MAFG: variants seen among roughly 807,000 people sequenced by gnomAD.
MAFG encodes the protein transcription factor MafG.
In MAFG, 3 loss-of-function variants were observed where a neutral mutation model predicts 12.2. The observed-to-expected ratio is 0.25, with a 90% CI of 0.11 to 0.64. MAFG has a LOEUF of 0.64. Among genes scored for constraint, MAFG ranks in the 30% least tolerant of loss-of-function variants. The pLI is 0.85. For synonymous variants in MAFG, 126 were observed against 109.1 expected (o/e 1.15, Z -0.96); for missense variants, 153 against 235.5 (o/e 0.65, Z 2.29).
rs1196873459 is a variant in MAFG at position 81,921,092 on chromosome 17, G to C, written c.*1513C>G. On this transcript the variant is annotated 3_prime_UTR_variant, in exon 3 of 3. Coordinates refer to ENST00000357736, the MANE Select transcript of MAFG (RefSeq NM_002359.4). ...ACCCAAGGCCAGAGGTGGTGGGTGT[G>C]GAAGCAGCGTGGGGCGCCCCAAGGG... The C allele has an allele frequency of 6.6e-6, 1 of 152,316 alleles. No homozygotes were observed. Among genetic ancestry groups the C allele is most frequent in the Non-Finnish European group, 1.5e-5 (1 of 68,152 alleles). The allele number at this position is 152,316 out of a possible 1,614,324, so 9.4% of individuals were successfully genotyped here.
chr17:81,922,722 G>A lies in MAFG; in HGVS notation c.372C>T (p.Ser124=), dbSNP rs755000376. ...LQTFARTVAR[S]PVAPARGPLA... ...GGGGGCCCCGGGCTGGCGCCACGGG[G>A]CTGCGGGCCACCGTCCGGGCGAAGG... Residue 124 remains serine (S), a synonymous_variant, in exon 3 of 3, where the codon AGC becomes AGT. Transcript: ENST00000357736. 3.2e-6 allele frequency: 5 copies of A among 1,562,186 alleles called. No individual in the cohort carries two copies. In the Admixed American group the frequency reaches 7.7e-5, roughly 24 times the overall value.
chr17:81,923,634 T>A, intron 1 of MAFG: 1 of 154,690 alleles, frequency 6.5e-6, no homozygotes, highest in Non-Finnish European at 1.4e-5. Context: ...GCACATTGCC[T>A]CTGCCTCCCC....
At position 81,924,666 on chromosome 17, in the gene MAFG, G is replaced by A. The variant is rs1018289529; in HGVS notation, c.-29-1452C>T. Among the ~76,000 whole-genome samples, 3 of 152,178 alleles carry A rather than the reference G, an allele frequency of 2.0e-5. No individual in the cohort carries two copies. The highest frequency in any genetic ancestry group is 4.4e-5 in the Non-Finnish European group (3 of 68,026). ...CAAGCCAGCTCAGAGGCAAGGTCCC[G>A]AGGCTCCAGCCACTGGATTCTTCCA... On this transcript the variant is annotated intron_variant, in intron 1 of 2. Transcript: ENST00000357736. This position sits in a 1 kb window ranked among gnomAD's most constrained non-coding sequence, Gnocchi z 4.7.
At position 81,921,669 on chromosome 17, in the gene MAFG, CAAGA is replaced by C. The variant is rs1224534268; in HGVS notation, c.*932_*935del. The C allele has an allele frequency of 6.6e-6, 1 of 150,638 alleles. No homozygotes were observed. The highest frequency in any genetic ancestry group is 1.5e-5 in the Non-Finnish European group (1 of 67,796). The allele number at this position is 150,638 out of a possible 1,614,324, so 9.3% of individuals were successfully genotyped here. On this transcript the variant is annotated 3_prime_UTR_variant, in exon 3 of 3. Coordinates refer to ENST00000357736, the MANE Select transcript of MAFG (RefSeq NM_002359.4). ...CCACAAAGAGGTGTCCGTAAGTTTACAAGAAAGGGATTTTTTTTCTTTTTTTTTC... is the reference window on the plus strand; with the variant it reads ...CCACAAAGAGGTGTCCGTAAGTTTACAAGGGATTTTTTTTCTTTTTTTTTC...
At chr17:81,923,271 C>T (rs953946276) in intron 1 of MAFG, 57 bp from the exon 2 acceptor site, 36 of 962,806 alleles carry the variant, frequency 3.7e-5, no homozygotes, top group Non-Finnish European at 4.5e-5. Flanking sequence ...CACCCCCCCC[C>T]CCCCGCCCCC....
chr17:81,930,962 C>T (rs1396941468), upstream of MAFG, among the ~76,000 whole-genome samples: 1 of 152,336 alleles, frequency 6.6e-6, no homozygotes, highest in East Asian at 1.9e-4. The surrounding 1 kb of genome is among the most constrained non-coding windows in gnomAD (Gnocchi z 4.1). Context: ...CCTGCTGAGG[C>T]CCACATAAAA....
chr17:81,925,252 C>T (rs933493147), intron 1 of MAFG, among the ~76,000 whole-genome samples: 2 of 152,236 alleles, frequency 1.3e-5, no homozygotes, highest in Non-Finnish European at 2.9e-5. Context: ...CAGATGGTCA[C>T]GGCTCCGCAA....
At chr17:81,923,470 G>T in intron 1 of MAFG, 1 of 397,980 alleles carries the variant, frequency 2.5e-6, no homozygotes, top group Non-Finnish European at 4.5e-6. Flanking sequence ...GGGAACTGAA[G>T]GCTGTTAGGA....
Position 81,926,831 on chromosome 17 carries a change from C to T in MAFG, c.-30+697G>A, listed in dbSNP as rs539552075. 6.6e-6 allele frequency among the ~76,000 whole-genome samples: 1 copy of T among 152,322 alleles called. No individual in the cohort carries two copies. Among genetic ancestry groups the T allele is most frequent in the South Asian group, 2.1e-4 (1 of 4,824 alleles). Reference sequence around the variant, plus strand: ...CTCGGCGCTCACTTAAACAGGCACCCCAAGGCGCCGGGCCTGGCCCCCTCC... The same window carrying T: ...CTCGGCGCTCACTTAAACAGGCACCTCAAGGCGCCGGGCCTGGCCCCCTCC... On this transcript the variant is annotated intron_variant, in intron 1 of 2. Coordinates refer to ENST00000357736, the MANE Select transcript of MAFG (RefSeq NM_002359.4). The surrounding 1 kb of genome is among the most constrained non-coding windows in gnomAD (Gnocchi z 4.6).
At chr17:81,923,247 G>GC in intron 1 of MAFG, 33 bp from the exon 2 acceptor site, 1 of 778,090 alleles carries the variant, frequency 1.3e-6, no homozygotes, top group Non-Finnish European at 1.8e-6. Context: ...GTACCCTGGA[G>GC]ACCACCCTCG....
chr17:81,923,062 G>C lies in MAFG; in HGVS notation c.37-5C>G, dbSNP rs368661265. 4 of 1,605,820 alleles carry C rather than the reference G, an allele frequency of 2.5e-6. No homozygotes were observed. The highest frequency in any genetic ancestry group is 2.7e-5 in the African/African-American group (2 of 74,756). On this transcript the variant is annotated splice_polypyrimidine_tract_variant and splice_region_variant and intron_variant, in intron 2 of 2. Coordinates refer to ENST00000357736, the MANE Select transcript of MAFG (RefSeq NM_002359.4). ...CTCACCCGGCTCCCGCTTCACCTGG[G>C]GCACAGTGCAGGTGGTCACAGGCCA...
intron 1 of MAFG, among the ~76,000 whole-genome samples, chr17:81,925,230 A>G (rs2040929766): frequency 6.6e-6 from 1 of 152,226 alleles, no homozygotes; most frequent in Non-Finnish European, 1.5e-5. Flanking sequence ...AGCCCACCTC[A>G]CGCAGGAGGC....
At chr17:81,925,243 A>C (rs1322612647) in intron 1 of MAFG, among the ~76,000 whole-genome samples, 1 of 152,238 alleles carries the variant, frequency 6.6e-6, no homozygotes, top group Non-Finnish European at 1.5e-5. Flanking sequence ...CAGGAGGCAC[A>C]GATGGTCACG....
chr17:81,928,911 G>T (rs1319143322), upstream of MAFG, among the ~76,000 whole-genome samples: 1 of 152,210 alleles, frequency 6.6e-6, no homozygotes, highest in African/African-American at 2.4e-5. This position sits in a 1 kb window ranked among gnomAD's most constrained non-coding sequence, Gnocchi z 8.1. Flanking sequence ...CTCCGCGGGA[G>T]GGTGAAGTCG....
rs1221311925 is a variant in MAFG, at chr17:81,924,386, C to T, written c.-29-1172G>A. The T allele has an allele frequency of 6.6e-6, 1 of 152,638 alleles. No individual in the cohort carries two copies. The allele number at this position is 152,638 out of a possible 1,614,324, so 9.5% of individuals were successfully genotyped here. ...CTCCCACCAGACCCTTGGGCATGGA[C>T]CCCCGCCTCATGCTCCATCCCCCAC... On this transcript the variant is annotated intron_variant, in intron 1 of 2. Coordinates refer to ENST00000357736, the MANE Select transcript of MAFG (RefSeq NM_002359.4). This position sits in a 1 kb window ranked among gnomAD's most constrained non-coding sequence, Gnocchi z 4.7.
chr17:81,927,167 C>T (rs2040948242), intron 1 of MAFG, among the ~76,000 whole-genome samples: 1 of 150,624 alleles, frequency 6.6e-6, no homozygotes. Context: ...TGGCGCGGAC[C>T]CCCGGGCGCC....
At position 81,921,527 on chromosome 17, in the gene MAFG, G is replaced by C. The variant is rs974718630; in HGVS notation, c.*1078C>G. On this transcript the variant is annotated 3_prime_UTR_variant, in exon 3 of 3. Coordinates refer to ENST00000357736, the MANE Select transcript of MAFG (RefSeq NM_002359.4). Reference sequence around the variant, plus strand: ...CGGTACAATTGCAAAAGATATCAAAGAGGACGGCCTTCTGGTCGGCTCACG... The same window carrying C: ...CGGTACAATTGCAAAAGATATCAAACAGGACGGCCTTCTGGTCGGCTCACG... 6.6e-6 allele frequency: 1 copy of C among 151,770 alleles called. No homozygotes were observed. The highest frequency in any genetic ancestry group is 2.4e-5 in the African/African-American group (1 of 41,318). 9.4% of individuals were successfully genotyped at this position (151,770 alleles called of 1,614,324 possible).
intron 1 of MAFG, among the ~76,000 whole-genome samples, chr17:81,925,069 C>T (rs780522289): frequency 5.3e-5 from 8 of 152,232 alleles, no homozygotes; most frequent in Non-Finnish European, 8.8e-5. Flanking sequence ...GCGTTCCAGG[C>T]TCCTGGCCTG....
intron 1 of MAFG, among the ~76,000 whole-genome samples, chr17:81,927,327 G>A (rs1287816863): frequency 6.6e-6 from 1 of 151,394 alleles, no homozygotes; most frequent in Non-Finnish European, 1.5e-5. Context: ...GGCAGGAGGA[G>A]CTGGCTCCTG....
Sources: allele counts gnomAD v4.1 joint callset (sites outside exome capture counted in the v4.1 genomes callset), GRCh38; gene constraint gnomAD v4.1.1; non-coding constraint Gnocchi (gnomAD v3.1); transcripts MANE v1.5; gene names NCBI Gene and HGNC (gene_info 2026-07-23, HGNC 2026-07-21).